The following UMAD1 variants were observed in gnomAD, a reference collection of about 807,000 sequenced individuals.
UMAD1 encodes UBAP1-MVB12-associated (UMA) domain containing 1, also known as UBAP1-MVB12-associated (UMA)-domain containing protein 1.
Under a neutral mutation model 6.1 loss-of-function variants are expected in UMAD1, and 8 were observed. The observed-to-expected ratio is 1.30, with a 90% CI of 0.76 to 2.35. The LOEUF (loss-of-function observed/expected upper bound fraction) is 2.35, where lower values mean the gene tolerates loss of function less well. Among genes scored for constraint, UMAD1 ranks in the 30% most tolerant of loss-of-function variants. The probability of loss-of-function intolerance (pLI) is 0.00; values close to 1 mark genes in which losing one functional copy is unlikely to be tolerated. For missense variants in UMAD1, 130 were observed against 78.4 expected (o/e 1.66, Z -2.49); for synonymous variants, 56 against 31.4 (o/e 1.78, Z -2.61).
intron 2 of UMAD1, among the ~76,000 whole-genome samples, chr7:7,719,663 A>T (rs1323198042): frequency 2.0e-5 from 3 of 152,246 alleles, no homozygotes; most frequent in East Asian, 1.9e-4. Context: ...CACGTTAGTG[A>T]CTACTGTACT....
chr7:7,673,169 G>T, intron 1 of UMAD1, 140 bp from the exon 2 acceptor site: 1 of 682,514 alleles, frequency 1.5e-6, no homozygotes, highest in Admixed American at 2.3e-5. Flanking sequence ...GACATCTAGA[G>T]AAGGCTCATG....
chr7:7,818,069 A>G (rs1352575911), intron 3 of UMAD1, among the ~76,000 whole-genome samples: 1 of 152,154 alleles, frequency 6.6e-6, no homozygotes, highest in Non-Finnish European at 1.5e-5. Context: ...GGGGTTTGCC[A>G]TACAGATTAT....
chr7:7,714,078 G>A (rs554616164), intron 2 of UMAD1, among the ~76,000 whole-genome samples: 1 of 152,296 alleles, frequency 6.6e-6, no homozygotes, highest in East Asian at 1.9e-4. Flanking sequence ...GAGTTTTTTT[G>A]TGTGTTATCT....
chr7:7,651,239 A>G (rs1177927573), intron 1 of UMAD1, among the ~76,000 whole-genome samples: 4 of 152,256 alleles, frequency 2.6e-5, no homozygotes, highest in African/African-American at 9.6e-5. Context: ...CTACAAATCC[A>G]CAAAAGTATA....
intron 2 of UMAD1, among the ~76,000 whole-genome samples, chr7:7,747,126 G>A (rs1437158875): frequency 6.6e-6 from 1 of 152,120 alleles, no homozygotes; most frequent in African/African-American, 2.4e-5. Context: ...ATAGTAATGA[G>A]ATACTTTAGC....
intron 1 of UMAD1, among the ~76,000 whole-genome samples, chr7:7,644,551 T>A (rs1297264062): frequency 1.3e-5 from 2 of 152,228 alleles, no homozygotes; most frequent in African/African-American, 2.4e-5. Context: ...TAGAATTCAC[T>A]CTTCATGTAT....
intron 1 of UMAD1, among the ~76,000 whole-genome samples, chr7:7,650,649 AAAAC>A (rs1228676929): frequency 6.6e-6 from 1 of 152,262 alleles, no homozygotes; most frequent in Admixed American, 6.5e-5. Flanking sequence ...GTTAATAAGT[AAAAC>A]AAAGTTTAAG....
At chr7:7,681,058 A>T (rs1476237672) in intron 2 of UMAD1, among the ~76,000 whole-genome samples, 2 of 152,086 alleles carry the variant, frequency 1.3e-5, no homozygotes, top group Non-Finnish European at 2.9e-5. Flanking sequence ...GTGTTTGTTG[A>T]TGTCTAAATG....
chr7:7,807,973 A>G (rs114175674), intron 3 of UMAD1, among the ~76,000 whole-genome samples: 18 of 152,180 alleles, frequency 1.2e-4, no homozygotes, highest in African/African-American at 4.1e-4. Flanking sequence ...TCACTGAACT[A>G]TCTAATCATC....
rs71014709 is a variant in UMAD1, at chr7:7,760,412, AAATAATAATAAT to A, written c.83-41227_83-41216del. ...TCTACTAAAAATACAAAAAAATACA[AAATAATAATAAT>A]AATAATAATAATAATAATAATAATA... On this transcript the variant is annotated intron_variant, in intron 2 of 3. Transcript: ENST00000682710. Among the ~76,000 whole-genome samples, 461 of 142,700 alleles carry A rather than the reference AAATAATAATAAT, an allele frequency of 3.2e-3. 1 individual carries two copies. Among genetic ancestry groups the A allele is most frequent in the Middle Eastern group, 7.2e-3 (2 of 276 alleles). The allele number at this position is 142,700 out of a possible 152,430, so 93.6% of individuals were successfully genotyped here. A position where few individuals can be genotyped will look rare whatever the true frequency, so the allele number is the denominator to read the frequency against.
intron 3 of UMAD1, among the ~76,000 whole-genome samples, chr7:7,809,584 A>T (rs1782984625): frequency 6.6e-6 from 1 of 151,970 alleles, no homozygotes; most frequent in African/African-American, 2.4e-5. Context: ...AGCAATTTTG[A>T]GTATACAGTG....
intron 2 of UMAD1, among the ~76,000 whole-genome samples, chr7:7,674,927 A>G (rs1300715843): frequency 6.6e-6 from 1 of 152,102 alleles, no homozygotes; most frequent in African/African-American, 2.4e-5. Flanking sequence ...ACTCTGTTAT[A>G]TATTCCTGAT....
At chr7:7,870,262 A>G (rs1784310011) in intron 3 of UMAD1, among the ~76,000 whole-genome samples, 1 of 152,216 alleles carries the variant, frequency 6.6e-6, no homozygotes, top group Non-Finnish European at 1.5e-5. Flanking sequence ...GCTCATATTT[A>G]AACTAGGTAA....
intron 2 of UMAD1, among the ~76,000 whole-genome samples, chr7:7,786,088 C>T (rs1222116727): frequency 1.3e-5 from 2 of 152,094 alleles, no homozygotes; most frequent in Non-Finnish European, 2.9e-5. Flanking sequence ...TCATTACTTT[C>T]CAATACCTGA....
At position 7,877,920 on chromosome 7, in the gene UMAD1, C is replaced by T. The variant is rs1403939767; in HGVS notation, c.*382C>T. 2 of 174,710 alleles carry T rather than the reference C, an allele frequency of 1.1e-5. No homozygotes were observed. Among genetic ancestry groups the T allele is most frequent in the Non-Finnish European group, 2.4e-5 (2 of 82,354 alleles). The allele number at this position is 174,710 out of a possible 1,614,324, so 10.8% of individuals were successfully genotyped here. On this transcript the variant is annotated 3_prime_UTR_variant, in exon 4 of 4. Coordinates refer to ENST00000682710, the MANE Select transcript of UMAD1 (RefSeq NM_001302348.2). ...GAGCAAGAAGTGGGTGTGAAGTCTC[C>T]TCTCTGGTTTGTAGGAAGTTGAATT...
At chr7:7,858,092 C>T (rs1282833709) in intron 3 of UMAD1, among the ~76,000 whole-genome samples, 2 of 152,126 alleles carry the variant, frequency 1.3e-5, no homozygotes, top group Non-Finnish European at 2.9e-5. Context: ...ATAGTACCTA[C>T]CTCATAAAGG....
intron 2 of UMAD1, among the ~76,000 whole-genome samples, chr7:7,754,632 A>T (rs1781740506): frequency 6.6e-6 from 1 of 152,226 alleles, no homozygotes; most frequent in African/African-American, 2.4e-5. Context: ...TGTAACAAAT[A>T]TACTGATTTT....
intron 2 of UMAD1, among the ~76,000 whole-genome samples, chr7:7,785,948 A>T (rs977407274): frequency 6.6e-6 from 1 of 152,230 alleles, no homozygotes; most frequent in South Asian, 2.1e-4. Flanking sequence ...ATGTATTCTA[A>T]TCATCCTAAC....
intron 3 of UMAD1, among the ~76,000 whole-genome samples, chr7:7,829,891 C>T (rs562019647): frequency 6.6e-6 from 1 of 152,118 alleles, no homozygotes; most frequent in Non-Finnish European, 1.5e-5. Context: ...TAATTATATT[C>T]ACTAGGAGCT....
Sources: gnomAD v4.1 joint callset for allele counts (sites outside exome capture counted in the v4.1 genomes callset) on GRCh38, gnomAD v4.1.1 for gene constraint, MANE v1.5 for transcripts, NCBI Gene and HGNC (gene_info 2026-07-23, HGNC 2026-07-21) for gene names.